The following TPH2 variants were observed in gnomAD, a reference collection of about 807,000 sequenced individuals.
The protein encoded by TPH2 is tryptophan 5-hydroxylase 2.
Under a neutral mutation model 59.1 loss-of-function variants are expected in TPH2, and 27 were observed. That is an observed-to-expected ratio of 0.46 (90% confidence interval 0.34 to 0.63). The LOEUF (loss-of-function observed/expected upper bound fraction) is 0.63. TPH2 is among the 30% of genes least tolerant of loss of function. TPH2 has a pLI of 0.01. For synonymous variants in TPH2, 220 were observed against 210.5 expected (o/e 1.05, Z -0.39); for missense variants, 523 against 588.3 (o/e 0.89, Z 1.15).
At chr12:71,941,789 A>T (rs1452317613) in intron 2 of TPH2, 56 bp downstream of exon 2, 2 of 1,517,832 alleles carry the variant, frequency 1.3e-6, no homozygotes, top group East Asian at 2.3e-5. Context: ...CTGGGTACAA[A>T]CCTGTTATCT....
intron 9 of TPH2, 71 bp downstream of exon 9, chr12:72,022,565 TTGTC>T (rs1592416223): frequency 6.8e-6 from 8 of 1,169,640 alleles, no homozygotes; most frequent in African/African-American, 6.0e-5. Flanking sequence ...ATTGATTTGT[TTGTC>T]TGAGCATTTC....
chr12:71,972,532 C>G lies in TPH2; in HGVS notation c.622C>G (p.Pro208Ala). ...AMGYKYGQPIPRVEYTEEETK... is the reference protein window; with the variant it reads ...AMGYKYGQPIARVEYTEEETK... ...TCTCCTGCCTAGTGGTCAGCCCATT[C>G]CCAGGGTGGAGTATACTGAAGAAGA... The change falls in exon 6 of 11, where the codon CCC (proline) becomes GCC (alanine). Residue 208 changes from proline to alanine, a missense_variant. By Grantham distance (27) the Pro-to-Ala change is conservative (BLOSUM62 -1). Transcript: ENST00000333850. 6.2e-7 allele frequency: 1 copy of G among 1,614,138 alleles called. No individual in the cohort carries two copies. Among genetic ancestry groups the G allele is most frequent in the South Asian group, 1.1e-5 (1 of 91,076 alleles).
chr12:72,018,537 T>C (rs1319562418), intron 8 of TPH2, among the ~76,000 whole-genome samples: 3 of 152,176 alleles, frequency 2.0e-5, no homozygotes, highest in Admixed American at 1.3e-4. Context: ...TATGTATGCA[T>C]TGATTCAGCA....
chr12:71,939,079 T>C lies in TPH2; in HGVS notation c.93T>C (p.Leu31=), dbSNP rs765210567. The part of the protein sequence containing the change: ...DSAVPEEHQL[L]GSSTLNKPNS... Reference sequence around the variant, plus strand: ...CAGTGCCCGAAGAGCATCAGCTACTTGGCAGCTCAACAGTGAGTACTACGT... The same window carrying C: ...CAGTGCCCGAAGAGCATCAGCTACTCGGCAGCTCAACAGTGAGTACTACGT... The change falls in exon 1 of 11, where the codon CTT becomes CTC. Residue 31 remains leucine, a synonymous_variant. Transcript: ENST00000333850. 6.2e-7 allele frequency: 1 copy of C among 1,613,900 alleles called. No homozygotes were observed. The highest frequency in any genetic ancestry group is 8.5e-7 in the Non-Finnish European group (1 of 1,179,908).
intron 7 of TPH2, among the ~76,000 whole-genome samples, chr12:71,986,229 G>C (rs931353665): frequency 6.6e-6 from 1 of 152,132 alleles, no homozygotes; most frequent in African/African-American, 2.4e-5. Context: ...TCTTTGGAGA[G>C]AAAAAAGCTT....
chr12:71,944,593 G>A lies in TPH2; in HGVS notation c.447G>A (p.Glu149=), dbSNP rs1322281079. The A allele has an allele frequency of 3.7e-6, 6 of 1,613,812 alleles. No homozygotes were observed. Among genetic ancestry groups the A allele is most frequent in the East Asian group, 4.5e-5 (2 of 44,894 alleles). Residue 149 remains glutamate, a synonymous_variant, in exon 4 of 11, where the codon GAG becomes GAA. Coordinates refer to ENST00000333850, the MANE Select transcript of TPH2 (RefSeq NM_173353.4). ...ENIWTEEEEL[E]DVPWFPRKIS... ...CTGCACTGTTTTCAACAGAGCTAGA[G>A]GATGTGCCCTGGTTCCCTCGGAAGA... is the stretch of plus-strand genomic sequence containing the variant.
intron 8 of TPH2, among the ~76,000 whole-genome samples, chr12:71,999,993 T>C (rs1872782369): frequency 6.6e-6 from 1 of 152,228 alleles, no homozygotes; most frequent in Non-Finnish European, 1.5e-5. Context: ...AGTATCTTAT[T>C]GTGGTTGAGA....
rs1253137766 is a variant in TPH2 at position 72,032,081 on chromosome 12, T to C, written c.*386T>C. ...CATTAGATAAAATGAAAAAAAGCAG[T>C]GAAGCTGTTTCCATTTTCAATAGTA... On this transcript the variant is annotated 3_prime_UTR_variant, in exon 11 of 11. Coordinates refer to ENST00000333850, the MANE Select transcript of TPH2 (RefSeq NM_173353.4). The C allele has an allele frequency of 4.4e-6, 1 of 228,612 alleles. No homozygotes were observed. 14.2% of individuals were successfully genotyped at this position (228,612 alleles called of 1,614,324 possible).
chr12:71,941,108 A>G (rs1871049520), intron 1 of TPH2, among the ~76,000 whole-genome samples: 1 of 152,218 alleles, frequency 6.6e-6, no homozygotes, highest in Admixed American at 6.5e-5. Context: ...ATATTTTGGA[A>G]TGAAATCGAT....
At position 71,954,163 on chromosome 12, in the gene TPH2, AGAG is replaced by A. The variant is rs369652505; in HGVS notation, c.608+4512_608+4514del. The stretch of plus-strand genomic sequence containing the variant: ...AAGTCTGTATTACCATGAACCCGAA[AGAG>A]GAGAGGGGGCGGGAAAGCGCCGGCA... On this transcript the variant is annotated intron_variant, in intron 5 of 10. Coordinates refer to ENST00000333850, the MANE Select transcript of TPH2 (RefSeq NM_173353.4). 1.6e-3 allele frequency among the ~76,000 whole-genome samples: 247 copies of A among 152,280 alleles called. 1 individual carries two copies. The highest frequency in any genetic ancestry group is 5.7e-3 in the African/African-American group (235 of 41,566).
chr12:71,949,600 A>C lies in TPH2; in HGVS notation c.553A>C (p.Asn185His). 1 of 1,613,078 alleles carries C rather than the reference A, an allele frequency of 6.2e-7. No homozygotes were observed. ...LDADHPGFKDNVYRQRRKYFV... is the reference protein window; with the variant it reads ...LDADHPGFKDHVYRQRRKYFV... ...TTTTGTGTTTAAGGGATTTAAGGACAATGTCTATCGACAGAGAAGAAAGTA... is the reference window on the plus strand; with the variant it reads ...TTTTGTGTTTAAGGGATTTAAGGACCATGTCTATCGACAGAGAAGAAAGTA... The change falls in exon 5 of 11, where the codon AAT (asparagine) becomes CAT (histidine). Residue 185 changes from asparagine to histidine, a missense_variant. Asn to His is a moderately conservative substitution (Grantham distance 68). Coordinates refer to ENST00000333850, the MANE Select transcript of TPH2 (RefSeq NM_173353.4).
intron 4 of TPH2, among the ~76,000 whole-genome samples, chr12:71,946,097 C>G (rs958757572): frequency 6.6e-6 from 1 of 152,110 alleles, no homozygotes; most frequent in Non-Finnish European, 1.5e-5. Context: ...GCAGAATGAC[C>G]TTGGCCAAGT....
intron 8 of TPH2, among the ~76,000 whole-genome samples, chr12:72,022,157 G>A (rs1249651008): frequency 6.6e-6 from 1 of 151,962 alleles, no homozygotes; most frequent in East Asian, 1.9e-4. Flanking sequence ...TTGACTCATA[G>A]GGCTTCTGAA....
intron 4 of TPH2, among the ~76,000 whole-genome samples, chr12:71,945,316 T>A (rs1451638645): frequency 1.3e-5 from 2 of 152,156 alleles, no homozygotes; most frequent in African/African-American, 4.8e-5. Flanking sequence ...CCCTTCCCCC[T>A]TTTACATCTG....
rs1193718022 is a variant in TPH2 at position 71,939,031 on chromosome 12, G to A, written c.45G>A (p.Arg15=). ...TGTTTTCCAGTAAATACTGGGCACGGAGAGGGTTTTCCCTGGATTCAGCAG... is the reference window on the plus strand; with the variant it reads ...TGTTTTCCAGTAAATACTGGGCACGAAGAGGGTTTTCCCTGGATTCAGCAG... The part of the protein sequence containing the change: ...MMMFSSKYWA[R]RGFSLDSAVP... The change falls in exon 1 of 11, where the codon CGG becomes CGA. Residue 15 remains arginine, a synonymous_variant. Coordinates refer to ENST00000333850, the MANE Select transcript of TPH2 (RefSeq NM_173353.4). 1 of 1,614,140 alleles carries A rather than the reference G, an allele frequency of 6.2e-7. No homozygotes were observed. Among genetic ancestry groups the A allele is most frequent in the Admixed American group, 1.7e-5 (1 of 60,014 alleles).
chr12:71,962,504 A>G, intron 5 of TPH2: 1 of 985,118 alleles, frequency 1.0e-6, no homozygotes, highest in African/African-American at 1.7e-5. Flanking sequence ...AGAAACCCTT[A>G]TATGTAAATT....
chr12:72,010,284 C>T (rs114322164), intron 8 of TPH2, among the ~76,000 whole-genome samples: 1,788 of 152,254 alleles, frequency 0.012, 38 homozygotes, highest in African/African-American at 0.041. Flanking sequence ...GCTTCAGTAA[C>T]TGGCAGTGAT....
At chr12:71,993,465 A>G (rs1872624736) in intron 7 of TPH2, among the ~76,000 whole-genome samples, 1 of 152,188 alleles carries the variant, frequency 6.6e-6, no homozygotes, top group Non-Finnish European at 1.5e-5. Flanking sequence ...AATCCATTAC[A>G]GCTTGGTATC....
At chr12:71,973,211 C>T (rs1872022939) in intron 6 of TPH2, among the ~76,000 whole-genome samples, 1 of 152,108 alleles carries the variant, frequency 6.6e-6, no homozygotes, top group Admixed American at 6.5e-5. Context: ...CAGGCTGAGA[C>T]TTATTGGGCT....
Sources: allele counts gnomAD v4.1 joint callset (sites outside exome capture counted in the v4.1 genomes callset), GRCh38; gene constraint gnomAD v4.1.1; transcripts MANE v1.5; gene names NCBI Gene and HGNC (gene_info 2026-07-23, HGNC 2026-07-21).